Variants in TBC1D5 observed in about 807,000 individuals in gnomAD.
TBC1D5 encodes TBC1 domain family member 5, also known as TBC1 domain family, member 5.
TBC1D5 carries 75 observed loss-of-function variants against 100.3 expected under a neutral mutation model. The ratio of observed to expected loss-of-function variants is 0.75; its 90% CI spans 0.62 to 0.91. TBC1D5 has a LOEUF of 0.91. Among genes scored for constraint, TBC1D5 ranks in the 40% least tolerant of loss-of-function variants. The pLI is 0.00. For missense variants in TBC1D5, 910 were observed against 942.4 expected (o/e 0.97, Z 0.45); for synonymous variants, 323 against 325.6 (o/e 0.99, Z 0.09).
chr3:17,269,195 G>C (rs1161906317), intron 15 of TBC1D5, among the ~76,000 whole-genome samples: 1 of 152,170 alleles, frequency 6.6e-6, no homozygotes, highest in Non-Finnish European at 1.5e-5. Flanking sequence ...AGATGCACAA[G>C]TTTTGGCCCA....
intron 3 of TBC1D5, among the ~76,000 whole-genome samples, chr3:17,477,819 A>G (rs893658887): frequency 6.6e-6 from 1 of 152,070 alleles, no homozygotes; most frequent in African/African-American, 2.4e-5. Flanking sequence ...TCTAGGTTAT[A>G]TTTTACTGAA....
rs548721832 is a variant in TBC1D5 at position 17,274,145 on chromosome 3, T to C, written c.1246-15554A>G. Among the ~76,000 whole-genome samples, 7 of 152,350 alleles carry C rather than the reference T, an allele frequency of 4.6e-5. No individual in the cohort carries two copies. In the East Asian group the frequency reaches 1.3e-3, roughly 29 times the overall value. ...AGTTGGTAAAAAATAATACGAACTT[T>C]AATTTAAAAAACATATACATAGGTA... On this transcript the variant is annotated intron_variant, in intron 15 of 21. Transcript: ENST00000253692.
At chr3:17,196,004 C>A (rs1459948884) in intron 18 of TBC1D5, among the ~76,000 whole-genome samples, 1 of 152,132 alleles carries the variant, frequency 6.6e-6, no homozygotes, top group Non-Finnish European at 1.5e-5. Flanking sequence ...GACGCCAGAG[C>A]AAAGCCTAAG....
intron 13 of TBC1D5, among the ~76,000 whole-genome samples, chr3:17,310,664 G>C (rs1559605529): frequency 6.6e-6 from 1 of 151,872 alleles, no homozygotes; most frequent in Non-Finnish European, 1.5e-5. Context: ...TCTTGTTAGT[G>C]GTGGCACAAA....
At chr3:17,415,514 G>A (rs776507169) in intron 4 of TBC1D5, among the ~76,000 whole-genome samples, 1 of 152,062 alleles carries the variant, frequency 6.6e-6, no homozygotes, top group Non-Finnish European at 1.5e-5. Flanking sequence ...AATACAGTGT[G>A]TAAGAGCTTC....
chr3:17,282,051 G>C (rs554306043), intron 15 of TBC1D5, among the ~76,000 whole-genome samples: 1 of 152,124 alleles, frequency 6.6e-6, no homozygotes, highest in African/African-American at 2.4e-5. Context: ...TAAGTGATTA[G>C]CTAGGTAGTC....
intron 1 of TBC1D5, among the ~76,000 whole-genome samples, chr3:17,627,957 C>G (rs1395510006): frequency 6.6e-6 from 1 of 152,110 alleles, no homozygotes; most frequent in East Asian, 1.9e-4. Flanking sequence ...TATTACTACT[C>G]TCTCAGGTTT....
chr3:17,732,352 G>A (rs1435906436), intron 1 of TBC1D5, among the ~76,000 whole-genome samples: 2 of 151,386 alleles, frequency 1.3e-5, no homozygotes, highest in Non-Finnish European at 1.5e-5. Context: ...AGACTCTTCA[G>A]AAGCTTTTTC....
chr3:17,426,343 C>T (rs1213531032), intron 4 of TBC1D5, among the ~76,000 whole-genome samples: 1 of 152,104 alleles, frequency 6.6e-6, no homozygotes, highest in Non-Finnish European at 1.5e-5. Context: ...GAATTCTACA[C>T]TTAACCCAAG....
At chr3:17,350,411 CCAGAGT>C (rs1410731945) in intron 13 of TBC1D5, among the ~76,000 whole-genome samples, 2 of 152,154 alleles carry the variant, frequency 1.3e-5, no homozygotes, top group African/African-American at 4.8e-5. Context: ...ACAGCTTGAG[CCAGAGT>C]CAAAGAGCTG....
At chr3:17,472,403 G>A (rs961248410) in intron 3 of TBC1D5, among the ~76,000 whole-genome samples, 1 of 152,080 alleles carries the variant, frequency 6.6e-6, no homozygotes, top group African/African-American at 2.4e-5. Context: ...CTCCCAAAGT[G>A]CGCGAGTCAC....
At position 17,705,482 on chromosome 3, in the gene TBC1D5, C is replaced by G. The variant is rs569386197; in HGVS notation, c.-101+33861G>C. Among the ~76,000 whole-genome samples, 8 of 150,172 alleles carry G rather than the reference C, an allele frequency of 5.3e-5. No individual in the cohort carries two copies. In the East Asian group the frequency reaches 1.6e-3, roughly 31 times the overall value. On this transcript the variant is annotated intron_variant, in intron 1 of 21. Transcript: ENST00000253692. ...AGCTGTCGGGCGGAGGGGCTCCTCA[C>G]TTCTCAGACGGGGTGGTTGCCAGGC...
chr3:17,742,109 C>G (rs2077505389), upstream of TBC1D5, among the ~76,000 whole-genome samples: 1 of 152,180 alleles, frequency 6.6e-6, no homozygotes, highest in Non-Finnish European at 1.5e-5. Context: ...GTCTAGACCC[C>G]GACCTCCTGG....
intron 18 of TBC1D5, among the ~76,000 whole-genome samples, chr3:17,189,557 G>C (rs1315858100): frequency 1.3e-5 from 2 of 152,200 alleles, no homozygotes; most frequent in Admixed American, 6.5e-5. Flanking sequence ...CAGACACTGA[G>C]CTTTGCTGTA....
intron 19 of TBC1D5, among the ~76,000 whole-genome samples, chr3:17,171,897 A>G (rs1559345838): frequency 6.6e-6 from 1 of 152,168 alleles, no homozygotes; most frequent in Non-Finnish European, 1.5e-5. Flanking sequence ...TGCAGAATAC[A>G]ATGCTCTGGC....
At chr3:17,362,989 T>A (rs910861589) in intron 13 of TBC1D5, among the ~76,000 whole-genome samples, 13 of 152,072 alleles carry the variant, frequency 8.5e-5, no homozygotes, top group African/African-American at 2.7e-4. Flanking sequence ...TTCTCCCTTT[T>A]CTTGTTAGTC....
At chr3:17,263,071 T>TA (rs1318901306) in intron 15 of TBC1D5, among the ~76,000 whole-genome samples, 3 of 150,470 alleles carry the variant, frequency 2.0e-5, no homozygotes, top group South Asian at 2.1e-4. Context: ...CAACAAAAAA[T>TA]AAAAAAAATT....
At chr3:17,648,707 G>A (rs766092989) in intron 1 of TBC1D5, among the ~76,000 whole-genome samples, 4 of 152,004 alleles carry the variant, frequency 2.6e-5, no homozygotes, top group East Asian at 1.9e-4. Flanking sequence ...ACATACATGC[G>A]GCCAACAAGC....
intron 2 of TBC1D5, among the ~76,000 whole-genome samples, chr3:17,610,058 AC>A (rs1301123235): frequency 6.6e-6 from 1 of 152,196 alleles, no homozygotes; most frequent in Non-Finnish European, 1.5e-5. Context: ...TTATCGAGTA[AC>A]ATTATAGTAT....
Sources: gnomAD v4.1 joint callset for allele counts (sites outside exome capture counted in the v4.1 genomes callset) on GRCh38, gnomAD v4.1.1 for gene constraint, MANE v1.5 for transcripts, NCBI Gene and HGNC (gene_info 2026-07-23, HGNC 2026-07-21) for gene names.